USP18: variants seen among roughly 807,000 people sequenced by gnomAD.
USP18 encodes ubl carboxyl-terminal hydrolase 18.
In USP18, 11 loss-of-function variants were observed where a neutral mutation model predicts 48.7. That is an observed-to-expected ratio of 0.23 (90% CI 0.14 to 0.37). The LOEUF is 0.37. Ranked by LOEUF, USP18 falls within the 10% of genes least tolerant of loss-of-function variation. USP18 has a pLI of 1.00. For synonymous variants in USP18, 114 were observed against 163.2 expected, an observed-to-expected ratio of 0.70 and a Z score of 2.30; for missense variants, 285 against 436.4, an observed-to-expected ratio of 0.65 and a Z score of 3.09.
chr22:18,165,894 C>T (rs1316693740), intron 4 of USP18, among the ~76,000 whole-genome samples: 1 of 151,520 alleles, frequency 6.6e-6, no homozygotes, highest in African/African-American at 2.4e-5. Context: ...CCATTGCTCA[C>T]TCCCCCCACC....
At chr22:18,170,705 C>G (rs376348136) in intron 7 of USP18, 48 bp from the exon 8 acceptor site, 1 of 1,604,634 alleles carries the variant, frequency 6.2e-7, no homozygotes, top group Non-Finnish European at 8.5e-7. Flanking sequence ...TTCTCTGACT[C>G]TCTCATTCCA....
chr22:18,157,604 T>G lies in USP18; in HGVS notation c.-60T>G. 3 of 1,596,720 alleles carry G rather than the reference T, an allele frequency of 1.9e-6. No homozygotes were observed. The highest frequency in any genetic ancestry group is 2.6e-6 in the Non-Finnish European group (3 of 1,170,096). On this transcript the variant is annotated 5_prime_UTR_variant, in exon 2 of 11. Coordinates refer to ENST00000215794, the MANE Select transcript of USP18 (RefSeq NM_017414.4). ...ACATAAGCGCTTCCTGGAAGTGAAG[T>G]CGTGCTGTCCTGAACGCGGGCCAGG...
Position 18,162,009 on chromosome 22 carries a change from A to G in USP18, c.400+74A>G. ...GGAAGCTTAGAGAGTGAAGAGAGGA[A>G]CTAACGGGCAGTGAAGCAACAAGAA... On this transcript the variant is annotated intron_variant, in intron 4 of 10. Coordinates refer to ENST00000215794, the MANE Select transcript of USP18 (RefSeq NM_017414.4). The G allele has an allele frequency of 2.0e-6, 3 of 1,504,662 alleles. No homozygotes were observed. The East Asian group carries it at 7.1e-5, about 36-fold the overall frequency. The allele number at this position is 1,504,662 out of a possible 1,614,324, so 93.2% of individuals were successfully genotyped here. A position where few individuals can be genotyped will look rare whatever the true frequency, so the allele number is the denominator to read the frequency against.
intron 2 of USP18, 49 bp downstream of exon 2, chr22:18,157,869 C>T (rs374733770): frequency 1.1e-5 from 18 of 1,608,128 alleles, no homozygotes; most frequent in African/African-American, 6.7e-5. Context: ...TGTAAATGTT[C>T]GGCTCACCCC....
At chr22:18,171,217 T>C (rs1929617769) in intron 8 of USP18, among the ~76,000 whole-genome samples, 1 of 76,834 alleles carries the variant, frequency 1.3e-5, no homozygotes, top group Non-Finnish European at 2.4e-5. Context: ...CTTCCTCAGA[T>C]GGCCTGTGCC....
intron 5 of USP18, among the ~76,000 whole-genome samples, chr22:18,167,622 C>T (rs1174058164): frequency 4.1e-5 from 6 of 147,820 alleles, no homozygotes; most frequent in South Asian, 2.1e-4. Flanking sequence ...GGCGTGAACC[C>T]GGGAAGCGGA....
At chr22:18,157,869 C>A (rs374733770) in intron 2 of USP18, 49 bp downstream of exon 2, 3 of 1,608,236 alleles carry the variant, frequency 1.9e-6, no homozygotes, top group Middle Eastern at 1.7e-4. Flanking sequence ...TGTAAATGTT[C>A]GGCTCACCCC....
chr22:18,160,774 T>C (rs1929309091), intron 3 of USP18, among the ~76,000 whole-genome samples: 1 of 149,092 alleles, frequency 6.7e-6, no homozygotes, highest in South Asian at 2.2e-4. Context: ...GTACTTTTTT[T>C]TTTTTTTTTT....
Position 18,169,824 on chromosome 22 carries a change from T to G in USP18, c.628-20T>G. On this transcript the variant is annotated intron_variant, in intron 6 of 10. Transcript: ENST00000215794. ...GGAAATACCAACGCTGCTTTTTCCC[T>G]GTTCTCTTGGGTGGGACAGGAGGAC... 6.4e-7 allele frequency: 1 copy of G among 1,565,070 alleles called. No individual in the cohort carries two copies.
At chr22:18,168,630 A>C (rs1312488520) in intron 6 of USP18, among the ~76,000 whole-genome samples, 1 of 152,136 alleles carries the variant, frequency 6.6e-6, no homozygotes, top group Admixed American at 6.5e-5. Flanking sequence ...TCCTGACTTC[A>C]TGATCCACCT....
chr22:18,168,305 C>G (rs993443296), intron 6 of USP18, among the ~76,000 whole-genome samples: 3 of 152,130 alleles, frequency 2.0e-5, no homozygotes, highest in African/African-American at 7.2e-5. Context: ...ATGAAGCCAC[C>G]AGTCCCACTC....
intron 1 of USP18, among the ~76,000 whole-genome samples, chr22:18,155,348 G>T (rs1158680103): frequency 6.6e-6 from 1 of 152,212 alleles, no homozygotes; most frequent in Non-Finnish European, 1.5e-5. Context: ...CCTGGTGACA[G>T]GTGACAGCGT....
intron 1 of USP18, among the ~76,000 whole-genome samples, chr22:18,155,396 C>T (rs530070763): frequency 1.3e-5 from 2 of 152,372 alleles, no homozygotes; most frequent in East Asian, 3.9e-4. Flanking sequence ...CTCTCGGTGC[C>T]TCCTCGGCCT....
intron 4 of USP18, among the ~76,000 whole-genome samples, chr22:18,162,702 G>T (rs556618570): frequency 6.6e-6 from 1 of 151,670 alleles, no homozygotes; most frequent in African/African-American, 2.4e-5. Flanking sequence ...TGCATCAGAA[G>T]GTGAATTTGT....
rs1285243204 is a variant in USP18 at position 18,175,107 on chromosome 22, G to A, written c.1073+1265G>A. Reference sequence around the variant, plus strand: ...TTTTTGTATTTTTAGTAGAGATGGGGTTTCACCGTGTTAGCCAGGATGGTC... The same window carrying A: ...TTTTTGTATTTTTAGTAGAGATGGGATTTCACCGTGTTAGCCAGGATGGTC... On this transcript the variant is annotated intron_variant, in intron 10 of 10. Transcript: ENST00000215794. Among the ~76,000 whole-genome samples the A allele has an allele frequency of 4.5e-4, 68 of 152,246 alleles. 1 individual carries two copies. In the Middle Eastern group the frequency reaches 0.017, roughly 38 times the overall value.
intron 4 of USP18, among the ~76,000 whole-genome samples, chr22:18,164,612 G>C (rs779646509): frequency 0.031 from 4,632 of 151,354 alleles, no homozygotes; most frequent in Middle Eastern, 0.051. Flanking sequence ...CCCATCCCTC[G>C]GGCAACAGCT....
intron 9 of USP18, 59 bp downstream of exon 9, chr22:18,173,340 T>C (rs568431043): frequency 6.3e-7 from 1 of 1,584,736 alleles, no homozygotes; most frequent in South Asian, 1.2e-5. Context: ...TAGCAAATGC[T>C]GGGCTCAGGG....
intron 1 of USP18, among the ~76,000 whole-genome samples, chr22:18,153,741 C>A (rs981209505): frequency 6.6e-6 from 1 of 152,154 alleles, no homozygotes; most frequent in Non-Finnish European, 1.5e-5. Flanking sequence ...AACTGCCATG[C>A]CTGGCTTTCT....
At chr22:18,150,458 G>A (rs558127692) in intron 1 of USP18, among the ~76,000 whole-genome samples, 40 of 152,312 alleles carry the variant, frequency 2.6e-4, no homozygotes, top group African/African-American at 9.1e-4. Flanking sequence ...AGAAATTGCA[G>A]AAGTGTTGTA....
Sources: allele counts gnomAD v4.1 joint callset (sites outside exome capture counted in the v4.1 genomes callset), GRCh38; gene constraint gnomAD v4.1.1; transcripts MANE v1.5; gene names NCBI Gene and HGNC (gene_info 2026-07-23, HGNC 2026-07-21).